Variants in LHCGR observed in about 807,000 individuals in gnomAD.
LHCGR encodes lutropin-choriogonadotropic hormone receptor.
Under a neutral mutation model 60.7 loss-of-function variants are expected in LHCGR, and 55 were observed. That is an observed-to-expected ratio of 0.91 (90% CI 0.73 to 1.13). The LOEUF (loss-of-function observed/expected upper bound fraction) is 1.13, where lower values mean the gene tolerates loss of function less well. Ranked by LOEUF, LHCGR falls within the 50% of genes most tolerant of loss-of-function variation. LHCGR has a pLI of 0.00. For synonymous variants in LHCGR, 337 were observed against 316.5 expected, an observed-to-expected ratio of 1.06 and a Z score of -0.69; for missense variants, 862 against 836.0, an observed-to-expected ratio of 1.03 and a Z score of -0.38.
intron 1 of LHCGR, among the ~76,000 whole-genome samples, chr2:48,743,757 G>A (rs1220970720): frequency 6.6e-6 from 1 of 151,958 alleles, no homozygotes; most frequent in Non-Finnish European, 1.5e-5. Flanking sequence ...GGCAAAAACT[G>A]GAAGCATTCC....
chr2:48,696,388 A>G (rs564482127), intron 9 of LHCGR, among the ~76,000 whole-genome samples: 60 of 152,386 alleles, frequency 3.9e-4, no homozygotes, highest in African/African-American at 1.3e-3. Flanking sequence ...CCCTGAGGGC[A>G]GTAGGGTGCA....
At chr2:48,723,747 T>C in intron 4 of LHCGR, 51 bp from the exon 5 acceptor site, 1 of 1,295,114 alleles carries the variant, frequency 7.7e-7, no homozygotes, top group Non-Finnish European at 1.1e-6. Flanking sequence ...GTAAAAGTGA[T>C]TGTCATTAAG....
rs1471811617 is a variant in LHCGR at position 48,731,309 on chromosome 2, A to G, written c.162-11T>C. Reference sequence around the variant, plus strand: ...AGGTAGGCAAGTGATCTAGAAAAGAAAAAAGGAAATCCAAGAGTTTAAGAT... The same window carrying G: ...AGGTAGGCAAGTGATCTAGAAAAGAGAAAAGGAAATCCAAGAGTTTAAGAT... On this transcript the variant is annotated splice_polypyrimidine_tract_variant and intron_variant, in intron 1 of 10. Transcript: ENST00000294954. The G allele has an allele frequency of 6.2e-7, 1 of 1,602,140 alleles. No homozygotes were observed. The highest frequency in any genetic ancestry group is 1.7e-5 in the Admixed American group (1 of 59,918).
At chr2:48,700,356 A>G (rs1373245377) in intron 8 of LHCGR, among the ~76,000 whole-genome samples, 1 of 152,146 alleles carries the variant, frequency 6.6e-6, no homozygotes, top group African/African-American at 2.4e-5. Context: ...TTTTTGAGTA[A>G]GGGTGGAGTG....
Position 48,723,479 on chromosome 2 carries a change from C to G in LHCGR, c.513G>C (p.Gly171=). The change falls in exon 6 of 11, where the codon GGG becomes GGC. Residue 171 remains glycine, a synonymous_variant. Coordinates refer to ENST00000294954, the MANE Select transcript of LHCGR (RefSeq NM_000233.4). ...ITTIPGNAFQ[G]MNNESVTLKL... ...ACAGTGTTACAGATTCATTATTCAT[C>G]CCTTGAAAAGCATTTCCTGGTATGG... 1 of 1,611,752 alleles carries G rather than the reference C, an allele frequency of 6.2e-7. No individual in the cohort carries two copies. The highest frequency in any genetic ancestry group is 8.5e-7 in the Non-Finnish European group (1 of 1,177,848).
At chr2:48,722,492 G>A (rs987670701) in intron 6 of LHCGR, among the ~76,000 whole-genome samples, 3 of 152,162 alleles carry the variant, frequency 2.0e-5, no homozygotes, top group Non-Finnish European at 2.9e-5. Context: ...GATCATGGGG[G>A]TGGTTTCTCA....
intron 7 of LHCGR, among the ~76,000 whole-genome samples, chr2:48,713,266 C>T (rs1268206254): frequency 2.0e-5 from 3 of 152,088 alleles, no homozygotes; most frequent in Admixed American, 1.3e-4. Context: ...TGGCTTTAAT[C>T]GAACTTTTCA....
intron 10 of LHCGR, among the ~76,000 whole-genome samples, chr2:48,691,845 CAAAAAAAAAAA>C (rs60937994): frequency 1.1e-5 from 1 of 88,378 alleles, no homozygotes; most frequent in South Asian, 5.0e-4. Flanking sequence ...GATTCTGTCT[CAAAAAAAAAAA>C]AAAAAAAAGG....
chr2:48,728,916 A>G (rs563013605), intron 3 of LHCGR, among the ~76,000 whole-genome samples: 2 of 152,304 alleles, frequency 1.3e-5, no homozygotes, highest in Admixed American at 6.5e-5. Flanking sequence ...TTTAATTTCT[A>G]TCTTTGTGTT....
intron 10 of LHCGR, among the ~76,000 whole-genome samples, chr2:48,689,182 C>CATATAT (rs775202386): frequency 6.6e-6 from 1 of 150,514 alleles, no homozygotes; most frequent in African/African-American, 2.4e-5. Context: ...CATATATACA[C>CATATAT]ACATATATAT....
chr2:48,737,875 A>G (rs1669269466), intron 1 of LHCGR, among the ~76,000 whole-genome samples: 1 of 152,224 alleles, frequency 6.6e-6, no homozygotes, highest in African/African-American at 2.4e-5. Context: ...CCCTCACTTT[A>G]CAGAGAAAGA....
At chr2:48,706,148 TA>T (rs1382505484) in intron 8 of LHCGR, among the ~76,000 whole-genome samples, 2 of 152,228 alleles carry the variant, frequency 1.3e-5, no homozygotes, top group Non-Finnish European at 2.9e-5. Flanking sequence ...CTCCTTCACT[TA>T]AGAAGCTTAA....
At chr2:48,690,624 A>G (rs545113607) in intron 10 of LHCGR, among the ~76,000 whole-genome samples, 1 of 152,288 alleles carries the variant, frequency 6.6e-6, no homozygotes, top group South Asian at 2.1e-4. Flanking sequence ...CTGTCTTTGT[A>G]CGTACTTCTG....
At chr2:48,721,842 C>T in intron 6 of LHCGR, 1 of 468,498 alleles carries the variant, frequency 2.1e-6, no homozygotes, top group Non-Finnish European at 4.4e-6. Context: ...AAATCAGGGT[C>T]ACTGGGCTTT....
chr2:48,689,084 CACACATATATAT>C (rs1193249769), intron 10 of LHCGR, among the ~76,000 whole-genome samples: 1 of 151,534 alleles, frequency 6.6e-6, no homozygotes, highest in Admixed American at 6.6e-5. Flanking sequence ...CACATATATA[CACACATATATAT>C]ACATATATAC....
chr2:48,729,020 C>G, intron 3 of LHCGR, 133 bp downstream of exon 3: 1 of 791,282 alleles, frequency 1.3e-6, no homozygotes, highest in Non-Finnish European at 2.2e-6. Flanking sequence ...AGTGCCTGCC[C>G]AGACCTAGTA....
Position 48,740,619 on chromosome 2 carries a change from G to A in LHCGR, c.162-9321C>T, listed in dbSNP as rs577923903. On this transcript the variant is annotated intron_variant, in intron 1 of 10. Transcript: ENST00000294954. The stretch of plus-strand genomic sequence containing the variant: ...CATGGCCGGGTACTCCAACAGACCT[G>A]CAGCTGAGGGTCCTGTCTGTTAGAA... Among the ~76,000 whole-genome samples, 5 of 152,222 alleles carry A rather than the reference G, an allele frequency of 3.3e-5. No individual in the cohort carries two copies. In the South Asian group the frequency reaches 6.2e-4, roughly 19 times the overall value.
intron 6 of LHCGR, among the ~76,000 whole-genome samples, chr2:48,716,770 T>G (rs1402524709): frequency 6.6e-6 from 1 of 152,178 alleles, no homozygotes; most frequent in Non-Finnish European, 1.5e-5. Context: ...CAGTCTCTTT[T>G]AGATAAAGGA....
chr2:48,704,710 G>A (rs1488457924), intron 8 of LHCGR, among the ~76,000 whole-genome samples: 1 of 152,178 alleles, frequency 6.6e-6, no homozygotes, highest in African/African-American at 2.4e-5. Flanking sequence ...ATGGTAGTTT[G>A]TATTTCTGTG....
Sources: allele counts gnomAD v4.1 joint callset (sites outside exome capture counted in the v4.1 genomes callset), GRCh38; gene constraint gnomAD v4.1.1; transcripts MANE v1.5; gene names NCBI Gene and HGNC (gene_info 2026-07-23, HGNC 2026-07-21).